Variants in UBR1 observed in about 807,000 individuals in gnomAD.
UBR1 encodes the protein E3 ubiquitin-protein ligase UBR1.
Under a neutral mutation model 242.1 loss-of-function variants are expected in UBR1, and 102 were observed. That is an observed-to-expected ratio of 0.42 (90% confidence interval 0.36 to 0.50). The LOEUF is 0.50. Ranked by LOEUF, UBR1 falls within the 20% of genes least tolerant of loss-of-function variation. The pLI is 0.01. For synonymous variants in UBR1, 675 were observed against 684.8 expected (o/e 0.99, Z 0.22); for missense variants, 1,772 against 2,101.8 (o/e 0.84, Z 3.07).
At chr15:43,047,332 T>A (rs752673846) in intron 13 of UBR1, 43 bp from the exon 14 acceptor site, 2 of 1,613,732 alleles carry the variant, frequency 1.2e-6, no homozygotes, top group Non-Finnish European at 1.7e-6. Context: ...CTGAGCCCTC[T>A]CTCTTTGCTC....
intron 1 of UBR1, among the ~76,000 whole-genome samples, chr15:43,094,937 G>C (rs898253239): frequency 6.6e-6 from 1 of 152,034 alleles, no homozygotes; most frequent in Non-Finnish European, 1.5e-5. Flanking sequence ...AAAACATTTT[G>C]TCCCTCCTAA....
chr15:43,071,732 G>T (rs2033827457), intron 4 of UBR1, among the ~76,000 whole-genome samples: 1 of 152,036 alleles, frequency 6.6e-6, no homozygotes, highest in South Asian at 2.1e-4. Flanking sequence ...AAAAAGCAAT[G>T]TTCTTTTCAT....
intron 39 of UBR1, among the ~76,000 whole-genome samples, chr15:42,974,242 T>C (rs2032253833): frequency 6.6e-6 from 1 of 152,188 alleles, no homozygotes; most frequent in African/African-American, 2.4e-5. Context: ...TGATCTGCTT[T>C]GAATTAATTT....
intron 26 of UBR1, 27 bp downstream of exon 26, chr15:43,022,675 G>T: frequency 1.4e-6 from 2 of 1,466,542 alleles, no homozygotes; most frequent in Non-Finnish European, 1.9e-6. Context: ...AATGACAAAT[G>T]TGTTGAAGAG....
rs776446280 is a variant in UBR1, at chr15:43,067,937, G to A, written c.759C>T (p.Leu253=). ...CAGTGGTATGCAACTGGGCCTCTGC[G>A]AGCTCACAGTCAAGAGCTCTTTGTA... is the stretch of plus-strand genomic sequence containing the variant. ...YSLQRALDCE[L]AEAQLHTTAI... The change falls in exon 6 of 47, where the codon CTC becomes CTT. Residue 253 remains leucine, a synonymous_variant. Coordinates refer to ENST00000290650, the MANE Select transcript of UBR1 (RefSeq NM_174916.3). The A allele has an allele frequency of 8.8e-5, 142 of 1,613,714 alleles. No individual in the cohort carries two copies. The highest frequency in any genetic ancestry group is 3.5e-4 in the South Asian group (32 of 91,074).
intron 3 of UBR1, among the ~76,000 whole-genome samples, chr15:43,075,392 G>A (rs1250722749): frequency 6.6e-6 from 1 of 152,008 alleles, no homozygotes; most frequent in Non-Finnish European, 1.5e-5. Context: ...TAATGGAGAA[G>A]AATAGATTGC....
At chr15:43,022,177 T>A in intron 26 of UBR1, among the ~76,000 whole-genome samples, 1 of 152,116 alleles carries the variant, frequency 6.6e-6, no homozygotes, top group South Asian at 2.1e-4. Context: ...GTTTTTATAA[T>A]CAACATGCCT....
At position 43,026,616 on chromosome 15, in the gene UBR1, G is replaced by A. The variant is rs1160352539; in HGVS notation, c.2480C>T (p.Ser827Leu). The part of the protein sequence containing the change: ...GHGVYELKDE[S>L]LKDFNMYFYH... ...AAAGTACATATTGAAGTCTTTCAGT[G>A]ATTCATCTTTTAGTTCATAAACTCC... Residue 827 changes from serine (S) to leucine (L), a missense_variant, in exon 23 of 47, where the codon TCA becomes TTA. By Grantham distance (145) the Ser-to-Leu change is moderately radical. Coordinates refer to ENST00000290650, the MANE Select transcript of UBR1 (RefSeq NM_174916.3). 1.1e-5 allele frequency: 18 copies of A among 1,613,166 alleles called. No individual in the cohort carries two copies. In the East Asian group the frequency reaches 4.0e-4, roughly 36 times the overall value.
At chr15:42,953,946 A>C (rs930890588) in intron 44 of UBR1, among the ~76,000 whole-genome samples, 9 of 149,316 alleles carry the variant, frequency 6.0e-5, no homozygotes. Context: ...CCAGTGTCAC[A>C]GTCACGGCTC....
At chr15:42,949,135 T>C (rs2031785702) in intron 46 of UBR1, among the ~76,000 whole-genome samples, 2 of 151,938 alleles carry the variant, frequency 1.3e-5, no homozygotes, top group South Asian at 2.1e-4. Context: ...TGTAGGGACA[T>C]GGATGAAATT....
intron 29 of UBR1, among the ~76,000 whole-genome samples, chr15:43,010,866 T>C (rs959183845): frequency 2.7e-5 from 4 of 148,220 alleles, no homozygotes; most frequent in African/African-American, 1.0e-4. Context: ...GGTGGGAGCC[T>C]GTAATCCCAG....
intron 25 of UBR1, 68 bp downstream of exon 25, chr15:43,024,761 T>G: frequency 6.2e-7 from 1 of 1,607,838 alleles, no homozygotes; most frequent in Non-Finnish European, 8.5e-7. Context: ...AAGTTAGACC[T>G]GAGATCTTCC....
intron 1 of UBR1, among the ~76,000 whole-genome samples, chr15:43,098,784 C>T (rs1002114472): frequency 6.6e-6 from 1 of 152,038 alleles, no homozygotes. Flanking sequence ...CCCTAACTCC[C>T]CAAAATAGAA....
chr15:43,083,166 G>A (rs1172280120), intron 2 of UBR1, among the ~76,000 whole-genome samples: 1 of 152,122 alleles, frequency 6.6e-6, no homozygotes, highest in Non-Finnish European at 1.5e-5. Context: ...ATAAGGGCAG[G>A]GATTTCTATT....
intron 40 of UBR1, among the ~76,000 whole-genome samples, chr15:42,968,005 A>G (rs1455922053): frequency 3.3e-5 from 5 of 151,806 alleles, no homozygotes; most frequent in Middle Eastern, 6.9e-3. Context: ...TATGTTATGT[A>G]TATATTACAT....
intron 32 of UBR1, among the ~76,000 whole-genome samples, chr15:43,000,845 TA>T (rs1471397641): frequency 6.6e-6 from 1 of 152,192 alleles, no homozygotes; most frequent in Non-Finnish European, 1.5e-5. Context: ...TTTATTTATT[TA>T]TTTTTGACAC....
At chr15:43,003,421 A>G (rs1369058634) in intron 31 of UBR1, 9 of 258,314 alleles carry the variant, frequency 3.5e-5, no homozygotes, top group Non-Finnish European at 5.3e-5. Context: ...ACACTCAGCT[A>G]ATTTTTGTAT....
At chr15:43,097,788 G>A (rs992226620) in intron 1 of UBR1, among the ~76,000 whole-genome samples, 4 of 152,192 alleles carry the variant, frequency 2.6e-5, no homozygotes, top group Non-Finnish European at 4.4e-5. Context: ...ATTAGGTTTT[G>A]CCTTAAGGGA....
intron 15 of UBR1, among the ~76,000 whole-genome samples, chr15:43,039,551 T>G (rs1005568112): frequency 6.6e-6 from 1 of 152,240 alleles, no homozygotes; most frequent in Non-Finnish European, 1.5e-5. Flanking sequence ...TTTGCTGAAG[T>G]TGCCTATCAG....
Sources: gnomAD v4.1 joint callset for allele counts (sites outside exome capture counted in the v4.1 genomes callset) on GRCh38, gnomAD v4.1.1 for gene constraint, MANE v1.5 for transcripts, NCBI Gene and HGNC (gene_info 2026-07-23, HGNC 2026-07-21) for gene names.